The following GALNT17 variants were observed in gnomAD, a reference collection of about 807,000 sequenced individuals.
GALNT17 encodes polypeptide N-acetylgalactosaminyltransferase 17, also known as UDP-GalNAc:polypeptide N-acetylgalactosaminyltransferase-like 3.
In GALNT17, 29 loss-of-function variants were observed where a neutral mutation model predicts 63.7. The observed-to-expected ratio is 0.46, with a 90% CI of 0.34 to 0.62. The LOEUF (loss-of-function observed/expected upper bound fraction) is 0.62. GALNT17 is among the 20% of genes least tolerant of loss of function. The pLI is 0.01. For synonymous variants in GALNT17, 305 were observed against 318.3 expected, an observed-to-expected ratio of 0.96 and a Z score of 0.45; for missense variants, 603 against 799.6, an observed-to-expected ratio of 0.75 and a Z score of 2.97.
At chr7:71,344,278 A>G (rs1262738080) in intron 2 of GALNT17, among the ~76,000 whole-genome samples, 2 of 152,202 alleles carry the variant, frequency 1.3e-5, no homozygotes, top group African/African-American at 2.4e-5. Flanking sequence ...CAAAGCAACT[A>G]TTAACTACAG....
At chr7:71,311,373 G>T (rs57361691) in intron 1 of GALNT17, among the ~76,000 whole-genome samples, 7,690 of 152,234 alleles carry the variant, frequency 0.051, 636 homozygotes, top group African/African-American at 0.17. Context: ...GGGCTCAGTG[G>T]TGAGTCAATC....
In GALNT17 at chr7:71,617,194, G is replaced by A. The variant is rs1178820748; in HGVS notation, c.1080+45792G>A. Among the ~76,000 whole-genome samples, 5 of 150,212 alleles carry A rather than the reference G, an allele frequency of 3.3e-5. No homozygotes were observed. In the Admixed American group the frequency reaches 3.3e-4, roughly 10 times the overall value. On this transcript the variant is annotated intron_variant, in intron 6 of 10. Transcript: ENST00000333538. ...TTATTTTAGATATGGGGGTACATGTGCAGATTTGTTACATGGGAATATTGC... is the reference window on the plus strand; with the variant it reads ...TTATTTTAGATATGGGGGTACATGTACAGATTTGTTACATGGGAATATTGC...
At chr7:71,236,734 G>A (rs891505091) in intron 1 of GALNT17, among the ~76,000 whole-genome samples, 11 of 152,120 alleles carry the variant, frequency 7.2e-5, no homozygotes, top group Non-Finnish European at 1.0e-4. Flanking sequence ...AGCCCTCGGC[G>A]GGGGCACCTG....
intron 6 of GALNT17, among the ~76,000 whole-genome samples, chr7:71,626,754 T>C (rs1790381870): frequency 6.6e-6 from 1 of 152,198 alleles, no homozygotes; most frequent in South Asian, 2.1e-4. Context: ...CCACCTTTGA[T>C]TAAAGAGAAA....
intron 1 of GALNT17, among the ~76,000 whole-genome samples, chr7:71,216,695 C>T (rs1789488544): frequency 1.3e-5 from 2 of 151,784 alleles, no homozygotes; most frequent in Non-Finnish European, 2.9e-5. Flanking sequence ...CACACATATA[C>T]ACATATATAC....
intron 5 of GALNT17, among the ~76,000 whole-genome samples, chr7:71,434,358 C>A (rs981168856): frequency 1.3e-5 from 2 of 152,164 alleles, no homozygotes; most frequent in African/African-American, 4.8e-5. Context: ...AGGACCAGAC[C>A]AGCTGAGGCT....
At chr7:71,284,548 C>T (rs1391939246) in intron 1 of GALNT17, 2 of 151,996 alleles carry the variant, frequency 1.3e-5, no homozygotes, top group Non-Finnish European at 2.9e-5. Context: ...GGCACTTCTC[C>T]TTAGTGCCAC....
intron 1 of GALNT17, among the ~76,000 whole-genome samples, chr7:71,147,205 A>G (rs1233531993): frequency 6.6e-6 from 1 of 151,294 alleles, no homozygotes; most frequent in Non-Finnish European, 1.5e-5. Flanking sequence ...AGGGACAGAT[A>G]TATATGAGTT....
chr7:71,312,263 C>T (rs1425605765), intron 1 of GALNT17, among the ~76,000 whole-genome samples: 1 of 152,208 alleles, frequency 6.6e-6, no homozygotes, highest in Admixed American at 6.5e-5. Context: ...AAAGTTGCAA[C>T]ACCACCAGCT....
chr7:71,419,310 G>A (rs1280623090), intron 4 of GALNT17, among the ~76,000 whole-genome samples: 1 of 151,950 alleles, frequency 6.6e-6, no homozygotes, highest in African/African-American at 2.4e-5. Context: ...GTATAACCTG[G>A]GGCAAGCTAC....
intron 1 of GALNT17, among the ~76,000 whole-genome samples, chr7:71,168,355 C>T (rs1215195376): frequency 3.3e-5 from 5 of 152,124 alleles, no homozygotes; most frequent in Admixed American, 2.0e-4. Flanking sequence ...GGGTGGATCA[C>T]GAGGTCAGGA....
At chr7:71,251,872 T>G (rs889290718) in intron 1 of GALNT17, among the ~76,000 whole-genome samples, 1 of 152,164 alleles carries the variant, frequency 6.6e-6, no homozygotes, top group Admixed American at 6.5e-5. Context: ...GCACATGCTG[T>G]GTGCACAAAT....
At chr7:71,177,732 A>G (rs888196843) in intron 1 of GALNT17, among the ~76,000 whole-genome samples, 10 of 152,336 alleles carry the variant, frequency 6.6e-5, no homozygotes, top group African/African-American at 2.4e-4. Flanking sequence ...AGTTGCTCAT[A>G]TGAGCATGCA....
intron 1 of GALNT17, among the ~76,000 whole-genome samples, chr7:71,141,187 C>T (rs1028370118): frequency 8.6e-5 from 13 of 151,600 alleles, no homozygotes; most frequent in Non-Finnish European, 1.2e-4. Flanking sequence ...GCCAACATGG[C>T]GAAACCCCAT....
intron 9 of GALNT17, among the ~76,000 whole-genome samples, chr7:71,689,137 G>A (rs192271818): frequency 1.7e-4 from 26 of 152,202 alleles, no homozygotes; most frequent in Admixed American, 1.5e-3. Flanking sequence ...GTGTGTGTTT[G>A]ACGGCTCCAC....
intron 1 of GALNT17, among the ~76,000 whole-genome samples, chr7:71,196,175 G>C (rs1294476306): frequency 6.6e-6 from 1 of 151,858 alleles, no homozygotes; most frequent in Non-Finnish European, 1.5e-5. Flanking sequence ...GTCTTGCTCT[G>C]TCGCCTAGGC....
chr7:71,384,194 A>G (rs1490787170), intron 2 of GALNT17, among the ~76,000 whole-genome samples: 1 of 151,956 alleles, frequency 6.6e-6, no homozygotes, highest in Non-Finnish European at 1.5e-5. Context: ...ATCTCAGTGT[A>G]GTGTTGATTT....
chr7:71,184,256 T>G (rs1788789903), intron 1 of GALNT17, among the ~76,000 whole-genome samples: 1 of 152,140 alleles, frequency 6.6e-6, no homozygotes. Flanking sequence ...ATTTCTGTTG[T>G]TCAAGCCACA....
At position 71,348,889 on chromosome 7, in the gene GALNT17, T is replaced by C. The variant is rs1477789546; in HGVS notation, c.422+13156T>C. On this transcript the variant is annotated intron_variant, in intron 2 of 10. Transcript: ENST00000333538. ...TGCCTAGTCCATTGCTTCCTCACTC[T>C]AGCAGTGCACTGAGTTAAAACCAAC... Among the ~76,000 whole-genome samples, 3 of 152,326 alleles carry C rather than the reference T, an allele frequency of 2.0e-5. No individual in the cohort carries two copies. The South Asian group carries it at 6.2e-4, about 32-fold the overall frequency.
Sources: allele counts gnomAD v4.1 joint callset (sites outside exome capture counted in the v4.1 genomes callset), GRCh38; gene constraint gnomAD v4.1.1; transcripts MANE v1.5; gene names NCBI Gene and HGNC (gene_info 2026-07-23, HGNC 2026-07-21).